The following H2AZ1 variants were observed in gnomAD, a reference collection of about 807,000 sequenced individuals.
H2AZ1 encodes H2A.Z variant histone 1.
A neutral mutation model predicts 16.6 loss-of-function variants in H2AZ1; 3 were observed. The observed-to-expected ratio is 0.18, with a 90% confidence interval of 0.08 to 0.47. The LOEUF (loss-of-function observed/expected upper bound fraction) is 0.47, where lower values mean the gene tolerates loss of function less well. Ranked by LOEUF, H2AZ1 falls within the 20% of genes least tolerant of loss-of-function variation. The probability of loss-of-function intolerance (pLI) is 0.98; values close to 1 mark genes in which losing one functional copy is unlikely to be tolerated. For missense variants in H2AZ1, 27 were observed against 163.6 expected (o/e 0.17, Z 4.55); for synonymous variants, 78 against 60.7 (o/e 1.28, Z -1.32).
At chr4:99,949,854 T>A in intron 1 of H2AZ1, 114 bp from the exon 2 acceptor site, 1 of 536,888 alleles carries the variant, frequency 1.9e-6, no homozygotes, top group East Asian at 4.6e-5. Context: ...CCCCGCACCC[T>A]GCCGGGGTCT....
Position 99,948,161 on chromosome 4 carries a change from C to T in H2AZ1, c.*301G>A, listed in dbSNP as rs2110232794. The T allele has an allele frequency of 7.5e-6, 4 of 529,830 alleles. No homozygotes were observed. Among genetic ancestry groups the T allele is most frequent in the South Asian group, 7.2e-5 (4 of 55,296 alleles). The allele number at this position is 529,830 out of a possible 1,614,324, so 32.8% of individuals were successfully genotyped here. ...TCTGTACAAAACCAAATGTTTGTTA[C>T]TATAACTTCTGCATCACAATTAAAA... On this transcript the variant is annotated 3_prime_UTR_variant, in exon 5 of 5. Transcript: ENST00000296417.
chr4:99,949,778 G>A, intron 1 of H2AZ1, 38 bp from the exon 2 acceptor site: 2 of 1,528,748 alleles, frequency 1.3e-6, no homozygotes, highest in East Asian at 2.3e-5. Flanking sequence ...AGGAGGAACG[G>A]AGAATATAGA....
chr4:99,949,746 G>A lies in H2AZ1; in HGVS notation c.4-6C>T, dbSNP rs957558640. On this transcript the variant is annotated splice_polypyrimidine_tract_variant and splice_region_variant and intron_variant, in intron 1 of 4. Transcript: ENST00000296417. Reference sequence around the variant, plus strand: ...TTTCCAGCCTTACCGCCAGCCTGCGGCGCGCACACGCCCGCGAGCGGAGGA... The same window carrying A: ...TTTCCAGCCTTACCGCCAGCCTGCGACGCGCACACGCCCGCGAGCGGAGGA... 8.7e-6 allele frequency: 14 copies of A among 1,605,666 alleles called. No individual in the cohort carries two copies. Among genetic ancestry groups the A allele is most frequent in the Non-Finnish European group, 1.1e-5 (13 of 1,175,430 alleles).
chr4:99,948,332 A>G lies in H2AZ1; in HGVS notation c.*130T>C. 2 of 746,412 alleles carry G rather than the reference A, an allele frequency of 2.7e-6. No individual in the cohort carries two copies. Among genetic ancestry groups the G allele is most frequent in the Non-Finnish European group, 2.5e-6 (1 of 403,722 alleles). 46.2% of individuals were successfully genotyped at this position (746,412 alleles called of 1,614,324 possible). A position where few individuals can be genotyped will look rare whatever the true frequency, so the allele number is the denominator to read the frequency against. ...GGTTGGAAAGCTAATTAAACTTCCA[A>G]CTTGCTCAAATAGAATTACAAAAAG... is the stretch of plus-strand genomic sequence containing the variant. On this transcript the variant is annotated 3_prime_UTR_variant, in exon 5 of 5. Transcript: ENST00000296417.
chr4:99,949,413 A>G, intron 2 of H2AZ1, 27 bp from the exon 3 acceptor site: 1 of 1,361,752 alleles, frequency 7.3e-7, no homozygotes, highest in African/African-American at 1.4e-5. Context: ...ACACAAACAT[A>G]AATGCACAAA....
intron 4 of H2AZ1, 34 bp from the exon 5 acceptor site, chr4:99,948,557 A>G: frequency 6.2e-7 from 1 of 1,607,358 alleles, no homozygotes; most frequent in Non-Finnish European, 8.5e-7. Flanking sequence ...TCTACTTAAG[A>G]TTTTTTAAAA....
In H2AZ1 at chr4:99,950,241, C is replaced by G; in HGVS notation, c.-71G>C. ...AATCGGACCCACGGTGAGATCCCAC[C>G]ACCTACTCCTTCGTCGCACCGCGAT... On this transcript the variant is annotated 5_prime_UTR_variant, in exon 1 of 5. Transcript: ENST00000296417. 1.4e-6 allele frequency: 2 copies of G among 1,453,524 alleles called. No individual in the cohort carries two copies. Among genetic ancestry groups the G allele is most frequent in the Non-Finnish European group, 1.9e-6 (2 of 1,044,442 alleles). The allele number at this position is 1,453,524 out of a possible 1,614,324, so 90.0% of individuals were successfully genotyped here.
chr4:99,949,943 C>T, intron 1 of H2AZ1: 1 of 207,972 alleles, frequency 4.8e-6, no homozygotes, highest in Non-Finnish European at 8.4e-6. Flanking sequence ...GCGCCTCCGC[C>T]CGCCGGCCCC....
intron 3 of H2AZ1, 27 bp downstream of exon 3, chr4:99,949,246 C>T (rs1169619169): frequency 1.6e-5 from 22 of 1,359,518 alleles, no homozygotes; most frequent in Non-Finnish European, 2.2e-5. Context: ...CAAACCTTCT[C>T]CGGATTATAG....
Position 99,948,190 on chromosome 4 carries a change from A to G in H2AZ1, c.*272T>C. 1 of 614,716 alleles carries G rather than the reference A, an allele frequency of 1.6e-6. No individual in the cohort carries two copies. Among genetic ancestry groups the G allele is most frequent in the South Asian group, 1.6e-5 (1 of 60,844 alleles). The allele number at this position is 614,716 out of a possible 1,614,324, so 38.1% of individuals were successfully genotyped here. On this transcript the variant is annotated 3_prime_UTR_variant, in exon 5 of 5. Transcript: ENST00000296417. ...AACTTCTGCATCACAATTAAAATCC[A>G]AACAGTTTTTTAAAAACAGTCAACT...
chr4:99,949,080 G>C (rs898288232), intron 3 of H2AZ1, 140 bp from the exon 4 acceptor site: 4 of 701,082 alleles, frequency 5.7e-6, no homozygotes, highest in African/African-American at 1.8e-5. Context: ...CAGGGGGCAC[G>C]CAATTTTAAT....
chr4:99,948,340 A>T lies in H2AZ1; in HGVS notation c.*122T>A. 1 of 758,128 alleles carries T rather than the reference A, an allele frequency of 1.3e-6. No homozygotes were observed. 47.0% of individuals were successfully genotyped at this position (758,128 alleles called of 1,614,324 possible). On this transcript the variant is annotated 3_prime_UTR_variant, in exon 5 of 5. Coordinates refer to ENST00000296417, the MANE Select transcript of H2AZ1 (RefSeq NM_002106.4). ...AGCTAATTAAACTTCCAACTTGCTC[A>T]AATAGAATTACAAAAAGGCAAAATT... is the stretch of plus-strand genomic sequence containing the variant.
In H2AZ1 at chr4:99,948,195, G is replaced by GT. The variant is rs917995994; in HGVS notation, c.*266dup. On this transcript the variant is annotated 3_prime_UTR_variant, in exon 5 of 5. Coordinates refer to ENST00000296417, the MANE Select transcript of H2AZ1 (RefSeq NM_002106.4). ...CTGCATCACAATTAAAATCCAAACA[G>GT]TTTTTTAAAAACAGTCAACTCAATC... 11 of 624,800 alleles carry GT rather than the reference G, an allele frequency of 1.8e-5. No individual in the cohort carries two copies. Among genetic ancestry groups the GT allele is most frequent in the Admixed American group, 7.2e-5 (3 of 41,874 alleles). 38.7% of individuals were successfully genotyped at this position (624,800 alleles called of 1,614,324 possible). A position where few individuals can be genotyped will look rare whatever the true frequency, so the allele number is the denominator to read the frequency against.
Position 99,948,216 on chromosome 4 carries a change from C to G in H2AZ1, c.*246G>C. The stretch of plus-strand genomic sequence containing the variant: ...AACAGTTTTTTAAAAACAGTCAACT[C>G]AATCAAAACCCACTACTTCAGAATC... On this transcript the variant is annotated 3_prime_UTR_variant, in exon 5 of 5. Transcript: ENST00000296417. 1 of 669,864 alleles carries G rather than the reference C, an allele frequency of 1.5e-6. No individual in the cohort carries two copies. The highest frequency in any genetic ancestry group is 1.6e-5 in the South Asian group (1 of 64,090). 41.5% of individuals were successfully genotyped at this position (669,864 alleles called of 1,614,324 possible).
At chr4:99,949,773 G>C in intron 1 of H2AZ1, 33 bp from the exon 2 acceptor site, 1 of 1,556,792 alleles carries the variant, frequency 6.4e-7, no homozygotes, top group Non-Finnish European at 8.8e-7. Flanking sequence ...AGCGGAGGAG[G>C]AACGGAGAAT....
chr4:99,950,218 T>C lies in H2AZ1; in HGVS notation c.-48A>G. The C allele has an allele frequency of 6.3e-7, 1 of 1,595,690 alleles. No homozygotes were observed. The highest frequency in any genetic ancestry group is 8.6e-7 in the Non-Finnish European group (1 of 1,168,704). On this transcript the variant is annotated 5_prime_UTR_variant, in exon 1 of 5. Transcript: ENST00000296417. Reference sequence around the variant, plus strand: ...GCAAGCAAGGCAGAGAAAAGGCTAATCGGACCCACGGTGAGATCCCACCAC... The same window carrying C: ...GCAAGCAAGGCAGAGAAAAGGCTAACCGGACCCACGGTGAGATCCCACCAC...
chr4:99,950,096 C>T (rs1306250030), intron 1 of H2AZ1, 72 bp downstream of exon 1: 9 of 1,498,888 alleles, frequency 6.0e-6, no homozygotes, highest in South Asian at 1.2e-5. Context: ...TCACCCCCAT[C>T]CCTCTGTGTA....
chr4:99,949,590 G>A, intron 2 of H2AZ1, 73 bp downstream of exon 2: 2 of 1,417,608 alleles, frequency 1.4e-6, no homozygotes, highest in Non-Finnish European at 2.0e-6. Context: ...CGCCCATCGA[G>A]AGCGATGAAT....
intron 4 of H2AZ1, 74 bp downstream of exon 4, chr4:99,948,737 G>T: frequency 6.5e-7 from 1 of 1,540,548 alleles, no homozygotes; most frequent in Non-Finnish European, 8.7e-7. Flanking sequence ...TTCCTCTCCT[G>T]GAAAAACTAA....
Sources: gnomAD v4.1 joint callset for allele counts on GRCh38, gnomAD v4.1.1 for gene constraint, MANE v1.5 for transcripts, NCBI Gene and HGNC (gene_info 2026-07-23, HGNC 2026-07-21) for gene names.